The following CDCA7L variants were observed in gnomAD, a reference collection of about 807,000 sequenced individuals.
The protein encoded by CDCA7L is cell division cycle associated 7 like.
CDCA7L carries 44 observed loss-of-function variants against 57.4 expected under a neutral mutation model. That is an observed-to-expected ratio of 0.77 (90% CI 0.60 to 0.98). The LOEUF is 0.98. Among genes scored for constraint, CDCA7L ranks in the 50% least tolerant of loss-of-function variants. The probability of loss-of-function intolerance (pLI) is 0.00; values close to 1 mark genes in which losing one functional copy is unlikely to be tolerated. For missense variants in CDCA7L, 644 were observed against 580.6 expected, an observed-to-expected ratio of 1.11 and a Z score of -1.12; for synonymous variants, 236 against 202.8, an observed-to-expected ratio of 1.16 and a Z score of -1.39.
In CDCA7L at chr7:21,903,108, C is replaced by A. The variant is rs559237991; in HGVS notation, c.1204G>T (p.Val402Leu). ...CAGATCCCACGACAGGGGGGACACA[C>A]CCAATCCTAACAGAGAGATGACAGC... ...VRSALLDPDW[V>L]CPPCRGICNC... The change falls in exon 9 of 10, where the codon GTG becomes TTG. Residue 402 changes from valine (V) to leucine (L), a missense_variant. By Grantham distance (32) the Val-to-Leu change is conservative (BLOSUM62 1). Transcript: ENST00000406877. 3 of 1,613,472 alleles carry A rather than the reference C, an allele frequency of 1.9e-6. No individual in the cohort carries two copies. The highest frequency in any genetic ancestry group is 2.7e-5 in the African/African-American group (2 of 75,036).
intron 9 of CDCA7L, chr7:21,902,768 T>G: frequency 1.9e-6 from 1 of 538,792 alleles, no homozygotes; most frequent in Non-Finnish European, 3.2e-6. Flanking sequence ...TGGAGTTGAG[T>G]TGAAAAATCT....
intron 2 of CDCA7L, among the ~76,000 whole-genome samples, chr7:21,914,854 G>A (rs946956286): frequency 6.6e-6 from 1 of 152,224 alleles, no homozygotes; most frequent in Non-Finnish European, 1.5e-5. Flanking sequence ...TCCCTGGGGA[G>A]AACACACCTG....
At position 21,901,591 on chromosome 7, in the gene CDCA7L, A is replaced by AAAG. The variant is rs543239140; in HGVS notation, c.*728_*730dup. 10 of 176,164 alleles carry AAAG rather than the reference A, an allele frequency of 5.7e-5. No individual in the cohort carries two copies. In the East Asian group the frequency reaches 1.5e-3, roughly 26 times the overall value. 10.9% of individuals were successfully genotyped at this position (176,164 alleles called of 1,614,324 possible). ...CTCAAAAAAAAAAAAGTACATCATA[A>AAAG]AAGTACATCATATGTGAACATGCAA... On this transcript the variant is annotated 3_prime_UTR_variant, in exon 10 of 10. Transcript: ENST00000406877.
At chr7:21,929,020 T>A (rs912365615) in intron 1 of CDCA7L, among the ~76,000 whole-genome samples, 1 of 151,822 alleles carries the variant, frequency 6.6e-6, no homozygotes, top group Non-Finnish European at 1.5e-5. Context: ...TCAGCAAGAT[T>A]GAAATGAAGG....
rs1239853448 is a variant in CDCA7L, at chr7:21,901,468, A to G, written c.*854T>C. ...CACACGACTGTAATCCCAGTTACTC[A>G]GGAGGTAGGAGAATCACTTGAACCT... On this transcript the variant is annotated 3_prime_UTR_variant, in exon 10 of 10. Transcript: ENST00000406877. The G allele has an allele frequency of 3.8e-6, 2 of 528,336 alleles. No homozygotes were observed. Among genetic ancestry groups the G allele is most frequent in the Non-Finnish European group, 5.6e-6 (2 of 357,256 alleles). The allele number at this position is 528,336 out of a possible 1,614,324, so 32.7% of individuals were successfully genotyped here. A position where few individuals can be genotyped will look rare whatever the true frequency, so the allele number is the denominator to read the frequency against.
chr7:21,919,817 G>A (rs1008712246), intron 1 of CDCA7L, among the ~76,000 whole-genome samples: 4 of 152,076 alleles, frequency 2.6e-5, no homozygotes, highest in African/African-American at 9.7e-5. Flanking sequence ...ACAACAAACA[G>A]TGCAGTTCAA....
intron 1 of CDCA7L, among the ~76,000 whole-genome samples, chr7:21,922,337 T>G (rs1785677447): frequency 6.6e-6 from 1 of 152,152 alleles, no homozygotes; most frequent in African/African-American, 2.4e-5. Flanking sequence ...AACAGGGCAG[T>G]AGGTCAGCTG....
chr7:21,928,337 G>A (rs548881057), intron 1 of CDCA7L, among the ~76,000 whole-genome samples: 11 of 152,032 alleles, frequency 7.2e-5, no homozygotes, highest in African/African-American at 1.9e-4. Context: ...ATAAATCCAC[G>A]AAGATGAGGA....
rs191668124 is a variant in CDCA7L, at chr7:21,929,954, T to C, written c.25-13060A>G. Among the ~76,000 whole-genome samples the C allele has an allele frequency of 1.0e-3, 154 of 152,318 alleles. 2 individuals are homozygous for C. The highest frequency in any genetic ancestry group is 3.5e-3 in the African/African-American group (147 of 41,564). ...GATATTCAGGACTTGAACACAGCTC[T>C]GGACCAAGCAGACCTAATAGACATC... On this transcript the variant is annotated intron_variant, in intron 1 of 9. Transcript: ENST00000406877.
chr7:21,908,239 T>A lies in CDCA7L; in HGVS notation c.572A>T (p.Gln191Leu). 2 of 1,613,690 alleles carry A rather than the reference T, an allele frequency of 1.2e-6. No homozygotes were observed. Among genetic ancestry groups the A allele is most frequent in the Non-Finnish European group, 1.7e-6 (2 of 1,179,952 alleles). The change falls in exon 4 of 10, where the codon CAA becomes CTA. Residue 191 changes from glutamine to leucine, a missense_variant. Gln to Leu is a moderately radical substitution (Grantham distance 113). Coordinates refer to ENST00000406877, the MANE Select transcript of CDCA7L (RefSeq NM_018719.5). Reference protein sequence around the residue: ...ERKKDCRQVIQREDSTSESED... With the variant: ...ERKKDCRQVILREDSTSESED... ...AGACTCAGAGGTAGAATCTTCCCTTTGTATCACCTGTCTACAGTCTTTCTT... is the reference window on the plus strand; with the variant it reads ...AGACTCAGAGGTAGAATCTTCCCTTAGTATCACCTGTCTACAGTCTTTCTT...
chr7:21,944,344 G>C (rs374690504), intron 1 of CDCA7L, among the ~76,000 whole-genome samples: 29 of 149,466 alleles, frequency 1.9e-4, no homozygotes, highest in African/African-American at 5.2e-4. Context: ...CCAGCTACTC[G>C]GGACGCTGAG....
At chr7:21,916,658 T>C in intron 2 of CDCA7L, 96 bp downstream of exon 2, 1 of 1,119,330 alleles carries the variant, frequency 8.9e-7, no homozygotes, top group South Asian at 1.4e-5. Flanking sequence ...AATGAACTGA[T>C]ATCACCAATC....
intron 7 of CDCA7L, among the ~76,000 whole-genome samples, chr7:21,904,714 C>T (rs1256833235): frequency 6.6e-6 from 1 of 152,206 alleles, no homozygotes; most frequent in African/African-American, 2.4e-5. Context: ...AACTGTCTTT[C>T]ACAAAACCAG....
intron 4 of CDCA7L, among the ~76,000 whole-genome samples, chr7:21,907,499 GCAAA>G (rs956275753): frequency 2.0e-5 from 3 of 152,024 alleles, no homozygotes; most frequent in African/African-American, 4.8e-5. Flanking sequence ...CAATTATGAA[GCAAA>G]CAATGATTCT....
chr7:21,924,652 G>A (rs973801591), intron 1 of CDCA7L, among the ~76,000 whole-genome samples: 1 of 152,172 alleles, frequency 6.6e-6, no homozygotes, highest in Admixed American at 6.5e-5. Flanking sequence ...ACTTTTAGAA[G>A]AGGAGAAAAT....
chr7:21,944,160 C>T (rs11766705), intron 1 of CDCA7L, among the ~76,000 whole-genome samples: 69,152 of 151,598 alleles, frequency 0.46, 16,660 homozygotes, highest in Admixed American at 0.58. Context: ...GGACGCCAGC[C>T]GGAAGTGGTG....
In CDCA7L at chr7:21,901,361, C is replaced by T. The variant is rs1029807266; in HGVS notation, c.*961G>A. 43 of 1,359,238 alleles carry T rather than the reference C, an allele frequency of 3.2e-5. No individual in the cohort carries two copies. The highest frequency in any genetic ancestry group is 3.9e-5 in the Non-Finnish European group (41 of 1,043,226). 84.2% of individuals were successfully genotyped at this position (1,359,238 alleles called of 1,614,324 possible). A position where few individuals can be genotyped will look rare whatever the true frequency, so the allele number is the denominator to read the frequency against. On this transcript the variant is annotated 3_prime_UTR_variant, in exon 10 of 10. Coordinates refer to ENST00000406877, the MANE Select transcript of CDCA7L (RefSeq NM_018719.5). The stretch of plus-strand genomic sequence containing the variant: ...TATTCTAACTTTTTAGTAACTCACA[C>T]GTGCATTCTTTTTTCAACGCTATCC...
chr7:21,918,638 G>T (rs1207778910), intron 1 of CDCA7L, among the ~76,000 whole-genome samples: 1 of 152,134 alleles, frequency 6.6e-6, no homozygotes, highest in Non-Finnish European at 1.5e-5. Flanking sequence ...ACTCATTTGG[G>T]TTTACAATTT....
intron 4 of CDCA7L, among the ~76,000 whole-genome samples, chr7:21,907,012 T>A (rs1469897545): frequency 6.6e-6 from 1 of 152,178 alleles, no homozygotes; most frequent in South Asian, 2.1e-4. Context: ...AGTTTCAGGA[T>A]GTTCAAAAAA....
Sources: gnomAD v4.1 joint callset for allele counts (sites outside exome capture counted in the v4.1 genomes callset) on GRCh38, gnomAD v4.1.1 for gene constraint, MANE v1.5 for transcripts, NCBI Gene and HGNC (gene_info 2026-07-23, HGNC 2026-07-21) for gene names.